Variants in LRRC69 observed in about 807,000 individuals in gnomAD.
The protein encoded by LRRC69 is leucine rich repeat containing 69, also known as leucine-rich repeat-containing protein 69.
LRRC69 carries 42 observed loss-of-function variants against 37.8 expected under a neutral mutation model. That is an observed-to-expected ratio of 1.11 (90% CI 0.87 to 1.44). The LOEUF (loss-of-function observed/expected upper bound fraction) is 1.44, where lower values mean the gene tolerates loss of function less well. LRRC69 is among the 40% of genes most tolerant of loss of function. The pLI is 0.00. For synonymous variants in LRRC69, 141 were observed against 143.1 expected, an observed-to-expected ratio of 0.99 and a Z score of 0.11; for missense variants, 357 against 401.9, an observed-to-expected ratio of 0.89 and a Z score of 0.96.
exon 3 of LRRC69, chr8:91,127,135 A>T: frequency 6.5e-7 from 1 of 1,548,552 alleles, no homozygotes; most frequent in Non-Finnish European, 8.7e-7. Flanking sequence ...CAATCATCTT[A>T]CGCAGCTTCC....
chr8:91,191,729 G>C (rs995850154), intron 6 of LRRC69, among the ~76,000 whole-genome samples: 7 of 152,190 alleles, frequency 4.6e-5, no homozygotes, highest in Admixed American at 3.9e-4. Context: ...CAATCTGGTA[G>C]CTGTCTTACA....
intron 6 of LRRC69, among the ~76,000 whole-genome samples, chr8:91,197,406 TC>T (rs1809626688): frequency 1.3e-5 from 2 of 152,176 alleles, no homozygotes; most frequent in African/African-American, 2.4e-5. Context: ...GTTTACCTAA[TC>T]AAGCCTGGCC....
intron 6 of LRRC69, among the ~76,000 whole-genome samples, chr8:91,198,295 T>C (rs1390467016): frequency 1.3e-5 from 2 of 152,174 alleles, no homozygotes; most frequent in Non-Finnish European, 2.9e-5. Context: ...ATCCCAACTT[T>C]ACAGATGAGG....
At chr8:91,204,957 C>T (rs1001886056) in intron 7 of LRRC69, among the ~76,000 whole-genome samples, 1 of 152,130 alleles carries the variant, frequency 6.6e-6, no homozygotes, top group Non-Finnish European at 1.5e-5. Context: ...CATTTGTATA[C>T]CCTTTACCTA....
chr8:91,139,336 TC>T, intron 5 of LRRC69: 1 of 151,742 alleles, frequency 6.6e-6, no homozygotes, highest in Admixed American at 6.6e-5. Context: ...GGTCAGGAGA[TC>T]GAGACCATCC....
chr8:91,209,765 A>T (rs1345113676), intron 7 of LRRC69, among the ~76,000 whole-genome samples: 1 of 152,222 alleles, frequency 6.6e-6, no homozygotes, highest in African/African-American at 2.4e-5. Context: ...TTACTGCATG[A>T]TGAACCTTAT....
At chr8:91,151,866 G>A (rs576624665) in intron 5 of LRRC69, among the ~76,000 whole-genome samples, 1 of 151,350 alleles carries the variant, frequency 6.6e-6, no homozygotes, top group African/African-American at 2.4e-5. Flanking sequence ...ATCTCATTGT[G>A]GTTTTAATTT....
intron 5 of LRRC69, among the ~76,000 whole-genome samples, chr8:91,188,286 A>T (rs1394452625): frequency 6.6e-6 from 1 of 152,228 alleles, no homozygotes; most frequent in Non-Finnish European, 1.5e-5. Context: ...TTTAAAATCA[A>T]TTATTTTTAA....
At chr8:91,172,241 A>G (rs983448357) in intron 5 of LRRC69, among the ~76,000 whole-genome samples, 1 of 151,958 alleles carries the variant, frequency 6.6e-6, no homozygotes. Flanking sequence ...TACTCTTTGT[A>G]CATACCATTA....
rs919844260 is a variant in LRRC69 at position 91,139,846 on chromosome 8, T to G, written c.651+4107T>G. Among the ~76,000 whole-genome samples, 11 of 151,748 alleles carry G rather than the reference T, an allele frequency of 7.2e-5. No individual in the cohort carries two copies. In the East Asian group the frequency reaches 2.2e-3, roughly 30 times the overall value. ...GCTTACGCCTGTAATCCTAGCACTT[T>G]GAGAGGCCGAAGTGGGCGGATCACC... On this transcript the variant is annotated intron_variant, in intron 5 of 7. Transcript: ENST00000448384.
At chr8:91,182,106 T>C (rs1316190509) in intron 5 of LRRC69, among the ~76,000 whole-genome samples, 1 of 152,194 alleles carries the variant, frequency 6.6e-6, no homozygotes, top group Non-Finnish European at 1.5e-5. Context: ...CTTTTGGTTA[T>C]AAACATAGTT....
chr8:91,168,906 C>T (rs1809076073), intron 5 of LRRC69, among the ~76,000 whole-genome samples: 1 of 151,818 alleles, frequency 6.6e-6, no homozygotes, highest in Non-Finnish European at 1.5e-5. Flanking sequence ...CTTTTGAGCC[C>T]TTATTCTGTG....
intron 2 of LRRC69, 138 bp downstream of exon 2, chr8:91,124,757 A>G: frequency 1.5e-6 from 1 of 670,980 alleles, no homozygotes. Flanking sequence ...CTCTTGAAAT[A>G]TAGGAGGAGA....
At chr8:91,109,296 A>T (rs573589161) in intron 1 of LRRC69, among the ~76,000 whole-genome samples, 1 of 152,080 alleles carries the variant, frequency 6.6e-6, no homozygotes, top group South Asian at 2.1e-4. Context: ...TTCCTTCACT[A>T]GTGATGTGGA....
At chr8:91,126,799 A>G (rs1211583482) in intron 2 of LRRC69, among the ~76,000 whole-genome samples, 3 of 152,050 alleles carry the variant, frequency 2.0e-5, no homozygotes, top group Non-Finnish European at 2.9e-5. Context: ...TTCTGCAGAG[A>G]TATTCAGACA....
intron 1 of LRRC69, among the ~76,000 whole-genome samples, chr8:91,108,827 G>A (rs1224090372): frequency 6.6e-6 from 1 of 151,952 alleles, no homozygotes; most frequent in African/African-American, 2.4e-5. Context: ...GCCCAGGGAA[G>A]CCAAAGAATT....
intron 5 of LRRC69, among the ~76,000 whole-genome samples, chr8:91,136,509 C>T (rs1808421448): frequency 6.6e-6 from 1 of 151,902 alleles, no homozygotes; most frequent in African/African-American, 2.4e-5. Flanking sequence ...GCAAAATATA[C>T]ACAACATAAA....
chr8:91,179,273 A>G (rs561511162), intron 5 of LRRC69, among the ~76,000 whole-genome samples: 1 of 152,198 alleles, frequency 6.6e-6, no homozygotes, highest in Non-Finnish European at 1.5e-5. Flanking sequence ...AAAGCTTTCA[A>G]TTGTGGTGGA....
chr8:91,214,023 C>T (rs913045428), intron 7 of LRRC69, among the ~76,000 whole-genome samples: 4 of 151,888 alleles, frequency 2.6e-5, no homozygotes, highest in East Asian at 1.9e-4. Flanking sequence ...TATATGTGTT[C>T]GTGTGTGTGT....
Sources: gnomAD v4.1 joint callset for allele counts (sites outside exome capture counted in the v4.1 genomes callset) on GRCh38, gnomAD v4.1.1 for gene constraint, MANE v1.5 for transcripts, NCBI Gene and HGNC (gene_info 2026-07-23, HGNC 2026-07-21) for gene names.